NHLRC2: variants seen among roughly 807,000 people sequenced by gnomAD.
NHLRC2 encodes NHL repeat containing 2, also known as NHL repeat-containing protein 2.
A neutral mutation model predicts 68.1 loss-of-function variants in NHLRC2; 33 were observed. The observed-to-expected ratio is 0.48, with a 90% confidence interval of 0.37 to 0.65. NHLRC2 has a LOEUF of 0.65. Ranked by LOEUF, NHLRC2 falls within the 30% of genes least tolerant of loss-of-function variation. The pLI, the probability that NHLRC2 is intolerant of heterozygous loss-of-function variation, is 0.00. For missense variants in NHLRC2, 761 were observed against 853.8 expected (o/e 0.89, Z 1.35); for synonymous variants, 311 against 309.6 (o/e 1.00, Z -0.05).
chr10:113,874,854 A>G (rs1845963717), intron 2 of NHLRC2, among the ~76,000 whole-genome samples: 1 of 151,982 alleles, frequency 6.6e-6, no homozygotes, highest in African/African-American at 2.4e-5. Flanking sequence ...GAGATCATCC[A>G]GTGAACTTGT....
At chr10:113,905,772 C>T (rs1025588261) in intron 10 of NHLRC2, among the ~76,000 whole-genome samples, 1 of 152,136 alleles carries the variant, frequency 6.6e-6, no homozygotes, top group Non-Finnish European at 1.5e-5. Flanking sequence ...TTCATTCCTT[C>T]TTACCTTCAA....
chr10:113,867,162 C>T (rs1845875354), intron 2 of NHLRC2, among the ~76,000 whole-genome samples: 1 of 152,196 alleles, frequency 6.6e-6, no homozygotes, highest in African/African-American at 2.4e-5. Context: ...GTGAGCCACT[C>T]ATCAGTTCTA....
chr10:113,881,047 G>T (rs1204237125), intron 4 of NHLRC2, among the ~76,000 whole-genome samples: 1 of 151,676 alleles, frequency 6.6e-6, no homozygotes, highest in Non-Finnish European at 1.5e-5. Flanking sequence ...CTGTTTCCAT[G>T]GTGTATATTT....
intron 5 of NHLRC2, among the ~76,000 whole-genome samples, chr10:113,895,759 C>G (rs1353733663): frequency 2.0e-5 from 3 of 152,080 alleles, no homozygotes; most frequent in African/African-American, 7.2e-5. Flanking sequence ...TACTACAATT[C>G]AAATCCAGAC....
At chr10:113,868,224 A>G (rs1390223816) in intron 2 of NHLRC2, among the ~76,000 whole-genome samples, 1 of 152,054 alleles carries the variant, frequency 6.6e-6, no homozygotes, top group East Asian at 1.9e-4. Context: ...AATTTTTGAT[A>G]TAGTTTCTCC....
chr10:113,898,973 CAA>C (rs1846204691), intron 6 of NHLRC2, among the ~76,000 whole-genome samples: 1 of 152,116 alleles, frequency 6.6e-6, no homozygotes, highest in South Asian at 2.1e-4. Flanking sequence ...GTAGTGTCTG[CAA>C]AGTTTCTCAT....
At chr10:113,883,581 T>C (rs1846054850) in intron 4 of NHLRC2, among the ~76,000 whole-genome samples, 2 of 151,876 alleles carry the variant, frequency 1.3e-5, no homozygotes, top group Non-Finnish European at 3.0e-5. Flanking sequence ...TCCCAATACA[T>C]TGTTGGGGAG....
At chr10:113,865,106 C>T (rs368839116) in intron 2 of NHLRC2, among the ~76,000 whole-genome samples, 1 of 151,902 alleles carries the variant, frequency 6.6e-6, no homozygotes, top group East Asian at 1.9e-4. Context: ...CTCCTCACCA[C>T]GCCCAGCTAA....
intron 5 of NHLRC2, among the ~76,000 whole-genome samples, chr10:113,891,690 A>T (rs886214977): frequency 1.3e-5 from 2 of 152,146 alleles, no homozygotes; most frequent in African/African-American, 2.4e-5. Flanking sequence ...ATGAAGCCAC[A>T]TGGTGGTTCC....
chr10:113,888,823 A>G (rs1846104874), intron 5 of NHLRC2, among the ~76,000 whole-genome samples: 2 of 148,004 alleles, frequency 1.4e-5, no homozygotes, highest in African/African-American at 5.0e-5. Context: ...TCCTATCAGT[A>G]TCTTTTTTTT....
chr10:113,862,262 T>C (rs1330864734), intron 2 of NHLRC2, among the ~76,000 whole-genome samples: 1 of 151,920 alleles, frequency 6.6e-6, no homozygotes, highest in Non-Finnish European at 1.5e-5. Flanking sequence ...AAAGATGTAA[T>C]TTGGGGCCAT....
rs1022601056 is a variant in NHLRC2 at position 113,915,606 on chromosome 10, C to T, written c.*7070C>T. 4.4e-6 allele frequency: 1 copy of T among 225,554 alleles called. No homozygotes were observed. 14.0% of individuals were successfully genotyped at this position (225,554 alleles called of 1,614,324 possible). ...AAAATCAGCTCTCAGACTTAACTCT[C>T]CCCAATTAAAATAGTTTTTTTTTCC... On this transcript the variant is annotated 3_prime_UTR_variant, in exon 11 of 11. Coordinates refer to ENST00000369301, the MANE Select transcript of NHLRC2 (RefSeq NM_198514.4).
At chr10:113,908,057 GA>G (rs1589550625) in intron 10 of NHLRC2, among the ~76,000 whole-genome samples, 1 of 152,048 alleles carries the variant, frequency 6.6e-6, no homozygotes, top group East Asian at 1.9e-4. Flanking sequence ...GTATCCAAAG[GA>G]AGAACTATAA....
chr10:113,900,304 A>T (rs542320783), intron 6 of NHLRC2, among the ~76,000 whole-genome samples: 64 of 152,358 alleles, frequency 4.2e-4, no homozygotes, highest in African/African-American at 1.4e-3. Context: ...GCAAGAGATG[A>T]TAGTAGCCTG....
chr10:113,874,488 G>A (rs1845960933), intron 2 of NHLRC2, among the ~76,000 whole-genome samples: 2 of 135,504 alleles, frequency 1.5e-5, no homozygotes, highest in Admixed American at 7.3e-5. Flanking sequence ...GTGTGTGTGT[G>A]TGTGTGTTTA....
At position 113,879,603 on chromosome 10, in the gene NHLRC2, T is replaced by C. The variant is rs1397802177; in HGVS notation, c.817T>C (p.Phe273Leu). 1.2e-6 allele frequency: 2 copies of C among 1,602,424 alleles called. No individual in the cohort carries two copies. Among genetic ancestry groups the C allele is most frequent in the Admixed American group, 3.4e-5 (2 of 58,558 alleles). The change falls in exon 4 of 11, where the codon TTT (phenylalanine) becomes CTT (leucine). Residue 273 changes from phenylalanine (F) to leucine (L), a missense_variant. Phe to Leu is a conservative substitution (Grantham distance 22, BLOSUM62 0). Coordinates refer to ENST00000369301, the MANE Select transcript of NHLRC2 (RefSeq NM_198514.4). ...GPNPGRKDGI[F>L]SESTFNSPQG... is the part of the protein sequence containing the mutation. The stretch of plus-strand genomic sequence containing the variant: ...CAACCCTGGAAGAAAAGATGGAATA[T>C]TTTCAGAATCAACTTTTAATTCTCC...
At chr10:113,900,454 A>T (rs1303300940) in intron 6 of NHLRC2, among the ~76,000 whole-genome samples, 1 of 152,166 alleles carries the variant, frequency 6.6e-6, no homozygotes, top group African/African-American at 2.4e-5. Flanking sequence ...ATTTCCTCAT[A>T]AGTAGAGTTG....
At chr10:113,877,925 A>G (rs1589540272) in intron 3 of NHLRC2, among the ~76,000 whole-genome samples, 1 of 152,268 alleles carries the variant, frequency 6.6e-6, no homozygotes, top group East Asian at 1.9e-4. Flanking sequence ...TGTTACTCAA[A>G]AAGTGTCTTT....
At position 113,902,507 on chromosome 10, in the gene NHLRC2, A is replaced by G; in HGVS notation, c.1408A>G (p.Ile470Val). The change falls in exon 8 of 11, where the codon ATC becomes GTC. Residue 470 changes from isoleucine to valine, a missense_variant. Coordinates refer to ENST00000369301, the MANE Select transcript of NHLRC2 (RefSeq NM_198514.4). ...TTTTGGTGATGTTGATGGAGTAGGAATCAATGCAAAGCTTCAACACCCCCT... is the reference window on the plus strand; with the variant it reads ...TTTTGGTGATGTTGATGGAGTAGGAGTCAATGCAAAGCTTCAACACCCCCT... ...FAFGDVDGVG[I>V]NAKLQHPLGV... 1.2e-6 allele frequency: 2 copies of G among 1,603,104 alleles called. No homozygotes were observed. The highest frequency in any genetic ancestry group is 1.7e-6 in the Non-Finnish European group (2 of 1,174,296).
Sources: allele counts gnomAD v4.1 joint callset (sites outside exome capture counted in the v4.1 genomes callset), GRCh38; gene constraint gnomAD v4.1.1; transcripts MANE v1.5; gene names NCBI Gene and HGNC (gene_info 2026-07-23, HGNC 2026-07-21).